MIPOL1: variants seen among roughly 807,000 people sequenced by gnomAD.
MIPOL1 encodes the protein mirror-image polydactyly 1, also known as mirror-image polydactyly gene 1 protein.
Under a neutral mutation model 60.9 loss-of-function variants are expected in MIPOL1, and 57 were observed. That is an observed-to-expected ratio of 0.94 (90% CI 0.76 to 1.17). MIPOL1 has a LOEUF of 1.17. Among genes scored for constraint, MIPOL1 ranks in the 50% most tolerant of loss-of-function variants. MIPOL1 has a pLI of 0.00. For synonymous variants in MIPOL1, 179 were observed against 168.8 expected (o/e 1.06, Z -0.47); for missense variants, 551 against 511.6 (o/e 1.08, Z -0.74).
chr14:37,540,920 C>G (rs1354703121), intron 12 of MIPOL1, among the ~76,000 whole-genome samples: 1 of 152,166 alleles, frequency 6.6e-6, no homozygotes, highest in Non-Finnish European at 1.5e-5. Context: ...CTATCATTCT[C>G]TATCCCTCTT....
At chr14:37,521,495 G>C (rs2095412699) in intron 12 of MIPOL1, among the ~76,000 whole-genome samples, 2 of 151,940 alleles carry the variant, frequency 1.3e-5, no homozygotes, top group Admixed American at 1.3e-4. Context: ...TTATTTTTAT[G>C]CTCCTCATTA....
chr14:37,456,126 TG>T lies in MIPOL1; in HGVS notation c.1031+33178del, dbSNP rs2094474165. On this transcript the variant is annotated intron_variant, in intron 11 of 12. Transcript: ENST00000684589. ...GTGATATTAATATTGGTAACTTTTT[TG>T]TGAAGTTATCATACTCGTTGCAGGA... Among the ~76,000 whole-genome samples the T allele has an allele frequency of 2.0e-5, 3 of 151,882 alleles. No individual in the cohort carries two copies. The South Asian group carries it at 6.2e-4, about 32-fold the overall frequency.
At chr14:37,413,279 G>A (rs1214666049) in intron 10 of MIPOL1, among the ~76,000 whole-genome samples, 12 of 152,076 alleles carry the variant, frequency 7.9e-5, no homozygotes, top group Non-Finnish European at 1.8e-4. Flanking sequence ...AAATGTTAAT[G>A]TAAATATTGA....
rs572806587 is a variant in MIPOL1 at position 37,398,740 on chromosome 14, A to G, written c.937-24115A>G. ...TAGCAGTGCTATGTACAAGGTGTGC[A>G]GGACATTGAACGAGTAAGATCTTTT... On this transcript the variant is annotated intron_variant, in intron 10 of 12. Coordinates refer to ENST00000684589, the MANE Select transcript of MIPOL1 (RefSeq NM_001388067.1). 5.7e-4 allele frequency among the ~76,000 whole-genome samples: 87 copies of G among 152,350 alleles called. No individual in the cohort carries two copies. The Middle Eastern group carries it at 0.031, about 54-fold the overall frequency.
intron 1 of MIPOL1, among the ~76,000 whole-genome samples, chr14:37,216,956 TAAAAA>T (rs1410595085): frequency 1.3e-5 from 2 of 151,900 alleles, no homozygotes; most frequent in African/African-American, 4.8e-5. Flanking sequence ...GAAATTTTAA[TAAAAA>T]ATACAAACAA....
chr14:37,546,885 C>A lies in MIPOL1; in HGVS notation c.1263-20C>A, dbSNP rs1187910247. 6.8e-6 allele frequency: 11 copies of A among 1,610,660 alleles called. No homozygotes were observed. The highest frequency in any genetic ancestry group is 9.3e-6 in the Non-Finnish European group (11 of 1,177,652). On this transcript the variant is annotated intron_variant, in intron 12 of 12. Coordinates refer to ENST00000684589, the MANE Select transcript of MIPOL1 (RefSeq NM_001388067.1). ...TGCCCTTTTTTTCCCCTTCTCACCC[C>A]CATCCCAACCCCAACTTAGGTTGGA... is the stretch of plus-strand genomic sequence containing the variant.
intron 10 of MIPOL1, among the ~76,000 whole-genome samples, chr14:37,395,067 G>C (rs2093344971): frequency 6.6e-6 from 1 of 152,158 alleles, no homozygotes; most frequent in South Asian, 2.1e-4. Context: ...AAGATCAGTT[G>C]GCTATATTTG....
Position 37,498,101 on chromosome 14 carries a change from C to T in MIPOL1, c.1032-1807C>T, listed in dbSNP as rs150903423. On this transcript the variant is annotated intron_variant, in intron 11 of 12. Transcript: ENST00000684589. ...GCAACAGCAAGGTGAACTTCACTTA[C>T]CAATTGTTGAGGAAAATAAGCCAGA... 9.5e-3 allele frequency among the ~76,000 whole-genome samples: 1,451 copies of T among 152,104 alleles called. 25 individuals are homozygous for T. Among genetic ancestry groups the T allele is most frequent in the African/African-American group, 0.033 (1,371 of 41,472 alleles).
At chr14:37,290,049 A>G (rs1176288858) in intron 7 of MIPOL1, among the ~76,000 whole-genome samples, 2 of 152,202 alleles carry the variant, frequency 1.3e-5, no homozygotes, top group Non-Finnish European at 2.9e-5. Context: ...CTGATTTAAC[A>G]TGCTTCAAAT....
chr14:37,334,203 G>A (rs1340530266), intron 9 of MIPOL1, among the ~76,000 whole-genome samples: 6 of 151,804 alleles, frequency 4.0e-5, no homozygotes, highest in Admixed American at 6.6e-5. Flanking sequence ...TAGCTTTTCC[G>A]TTTCTTGTGC....
intron 6 of MIPOL1, among the ~76,000 whole-genome samples, chr14:37,283,438 G>C (rs189045493): frequency 6.6e-6 from 1 of 152,084 alleles, no homozygotes; most frequent in Admixed American, 6.6e-5. Flanking sequence ...TATAATTGTG[G>C]TATGCAGCAT....
At chr14:37,263,724 T>C (rs2082671648) in intron 3 of MIPOL1, among the ~76,000 whole-genome samples, 1 of 152,202 alleles carries the variant, frequency 6.6e-6, no homozygotes, top group East Asian at 1.9e-4. Flanking sequence ...AGTTGAATAG[T>C]ATTAATTCAG....
chr14:37,279,240 G>A (rs2153402209), intron 6 of MIPOL1, among the ~76,000 whole-genome samples: 1 of 148,616 alleles, frequency 6.7e-6, no homozygotes, highest in Non-Finnish European at 1.5e-5. Context: ...AACAGTTAAG[G>A]AGAAAAGTTT....
chr14:37,328,896 A>G (rs529095365), intron 9 of MIPOL1, among the ~76,000 whole-genome samples: 50 of 152,292 alleles, frequency 3.3e-4, no homozygotes, highest in African/African-American at 1.2e-3. Context: ...GAAGTGGGGC[A>G]GTTTTGTACT....
intron 11 of MIPOL1, among the ~76,000 whole-genome samples, chr14:37,455,505 C>G (rs1233800598): frequency 6.6e-6 from 1 of 152,136 alleles, no homozygotes; most frequent in Non-Finnish European, 1.5e-5. Context: ...ATCTTTTGCT[C>G]TTGTCGTGTA....
intron 1 of MIPOL1, among the ~76,000 whole-genome samples, chr14:37,203,515 C>T (rs1965625375): frequency 6.6e-6 from 1 of 152,172 alleles, no homozygotes; most frequent in Admixed American, 6.5e-5. Flanking sequence ...GGTATTCACT[C>T]TTGTGTAGTT....
chr14:37,479,501 T>A lies in MIPOL1; in HGVS notation c.1032-20407T>A, dbSNP rs140809347. ...AAAAATATCTTGAGACAAATGAAAA[T>A]TGAAACACAACATACCAAAGCTTAT... On this transcript the variant is annotated intron_variant, in intron 11 of 12. Coordinates refer to ENST00000684589, the MANE Select transcript of MIPOL1 (RefSeq NM_001388067.1). 4.6e-3 allele frequency among the ~76,000 whole-genome samples: 692 copies of A among 152,054 alleles called. 8 individuals are homozygous for A. Among genetic ancestry groups the A allele is most frequent in the African/African-American group, 0.015 (638 of 41,484 alleles).
At chr14:37,325,973 A>G (rs967456894) in intron 9 of MIPOL1, among the ~76,000 whole-genome samples, 1 of 152,180 alleles carries the variant, frequency 6.6e-6, no homozygotes, top group Non-Finnish European at 1.5e-5. Flanking sequence ...TGGAACTAAG[A>G]TGCTTGAATT....
chr14:37,505,229 GGA>G (rs2095264350), intron 12 of MIPOL1: 1 of 152,208 alleles, frequency 6.6e-6, no homozygotes, highest in Non-Finnish European at 1.5e-5. Context: ...AGAAAAAGGA[GGA>G]ATCCTCCCTA....
Sources: gnomAD v4.1 joint callset for allele counts (sites outside exome capture counted in the v4.1 genomes callset) on GRCh38, gnomAD v4.1.1 for gene constraint, MANE v1.5 for transcripts, NCBI Gene and HGNC (gene_info 2026-07-23, HGNC 2026-07-21) for gene names.